The following AGBL1 variants were observed in gnomAD, a reference collection of about 807,000 sequenced individuals.
The protein encoded by AGBL1 is cytosolic carboxypeptidase 4.
AGBL1 carries 130 observed loss-of-function variants against 118.9 expected under a neutral mutation model. That is an observed-to-expected ratio of 1.09 (90% CI 0.95 to 1.26). The LOEUF (loss-of-function observed/expected upper bound fraction) is 1.26, where lower values mean the gene tolerates loss of function less well. Ranked by LOEUF, AGBL1 falls within the 50% of genes most tolerant of loss-of-function variation. AGBL1 has a pLI of 0.00. For synonymous variants in AGBL1, 555 were observed against 478.9 expected, an observed-to-expected ratio of 1.16 and a Z score of -2.08; for missense variants, 1,584 against 1,298.1, an observed-to-expected ratio of 1.22 and a Z score of -3.38.
At chr15:86,370,269 C>T (rs1050249879) in intron 17 of AGBL1, among the ~76,000 whole-genome samples, 1 of 151,422 alleles carries the variant, frequency 6.6e-6, no homozygotes, top group African/African-American at 2.4e-5. Flanking sequence ...TCTGCAGCTA[C>T]CTAGTAAGCC....
chr15:86,244,088 T>TAA (rs1278683060), intron 6 of AGBL1, among the ~76,000 whole-genome samples: 144 of 146,876 alleles, frequency 9.8e-4, no homozygotes, highest in South Asian at 4.1e-3. Context: ...AATAAATAAA[T>TAA]ATATATATAA....
At chr15:86,922,096 A>G (rs149657611) in intron 23 of AGBL1, among the ~76,000 whole-genome samples, 1 of 152,212 alleles carries the variant, frequency 6.6e-6, no homozygotes, top group Non-Finnish European at 1.5e-5. Flanking sequence ...ATGAAGATAT[A>G]TCCTTAAAGG....
rs1357633682 is a variant in AGBL1 at position 86,658,581 on chromosome 15, T to TA, written c.2995-15691dup. ...AACCCCTTTTTACAACTATGACTCT[T>TA]ACAGCCTCCTGGACCTTGGTTTTGG... is the stretch of plus-strand genomic sequence containing the variant. On this transcript the variant is annotated intron_variant, in intron 21 of 22. Coordinates refer to ENST00000614907, the MANE Select transcript of AGBL1 (RefSeq NM_001386094.1). 4.6e-5 allele frequency among the ~76,000 whole-genome samples: 7 copies of TA among 152,288 alleles called. No individual in the cohort carries two copies. The South Asian group carries it at 1.2e-3, about 27-fold the overall frequency.
At chr15:86,818,017 G>A (rs2078889672) in intron 22 of AGBL1, among the ~76,000 whole-genome samples, 1 of 152,080 alleles carries the variant, frequency 6.6e-6, no homozygotes, top group African/African-American at 2.4e-5. Context: ...GGCAAGGAAG[G>A]ATTCTATCCT....
At chr15:86,767,299 G>A (rs2078109865) in intron 22 of AGBL1, among the ~76,000 whole-genome samples, 1 of 151,922 alleles carries the variant, frequency 6.6e-6, no homozygotes, top group South Asian at 2.1e-4. Flanking sequence ...TGGCACCAGG[G>A]ACAGAGACGA....
chr15:86,491,317 T>G (rs1300549849), intron 18 of AGBL1, among the ~76,000 whole-genome samples: 3 of 152,068 alleles, frequency 2.0e-5, no homozygotes, highest in Non-Finnish European at 4.4e-5. Flanking sequence ...TTGGCAGTAT[T>G]TGGTCATAAA....
chr15:86,724,895 C>T (rs953638477), intron 22 of AGBL1, among the ~76,000 whole-genome samples: 2 of 152,114 alleles, frequency 1.3e-5, no homozygotes, highest in African/African-American at 4.8e-5. Context: ...TGCTGAGGTC[C>T]TCACCAGAAG....
intron 18 of AGBL1, among the ~76,000 whole-genome samples, chr15:86,451,142 G>A (rs534478315): frequency 5.3e-5 from 8 of 152,166 alleles, no homozygotes; most frequent in Non-Finnish European, 1.2e-4. Flanking sequence ...TTGAGATTAT[G>A]TTTTATGCCT....
intron 18 of AGBL1, among the ~76,000 whole-genome samples, chr15:86,429,545 G>A (rs2081909781): frequency 6.6e-6 from 1 of 152,176 alleles, no homozygotes; most frequent in South Asian, 2.1e-4. Flanking sequence ...AGGGCAACAG[G>A]CAAGTGTTGC....
intron 19 of AGBL1, among the ~76,000 whole-genome samples, chr15:86,531,003 AGC>A (rs2083341834): frequency 3.0e-5 from 2 of 67,792 alleles, no homozygotes; most frequent in Non-Finnish European, 5.0e-5. Context: ...CACAAGAGAA[AGC>A]AGGAAAGATC....
chr15:87,023,983 A>G (rs1052159383), intron 24 of AGBL1, among the ~76,000 whole-genome samples: 7 of 151,982 alleles, frequency 4.6e-5, no homozygotes, highest in African/African-American at 1.7e-4. Context: ...CACAAAAGGC[A>G]GTGCTAAGAG....
At chr15:86,777,360 A>G (rs980389989) in intron 22 of AGBL1, among the ~76,000 whole-genome samples, 3 of 151,990 alleles carry the variant, frequency 2.0e-5, no homozygotes, top group Non-Finnish European at 4.4e-5. Flanking sequence ...AATATTACTC[A>G]TATAAATTCA....
At chr15:86,131,948 GAAA>G (rs11331970) in intron 1 of AGBL1, among the ~76,000 whole-genome samples, 84 of 132,956 alleles carry the variant, frequency 6.3e-4, no homozygotes, top group African/African-American at 2.2e-3. Flanking sequence ...ACCATGTCTC[GAAA>G]AAAAAAAAAA....
At chr15:86,869,504 A>G (rs1367664915) in intron 22 of AGBL1, among the ~76,000 whole-genome samples, 1 of 152,178 alleles carries the variant, frequency 6.6e-6, no homozygotes, top group South Asian at 2.1e-4. Context: ...CTAGTGTTCA[A>G]CTTCCTTAGA....
chr15:86,745,495 G>A (rs994990004), intron 22 of AGBL1, among the ~76,000 whole-genome samples: 2 of 151,986 alleles, frequency 1.3e-5, no homozygotes, highest in Non-Finnish European at 2.9e-5. Context: ...GGGAACTACT[G>A]CCCAGAGAGG....
At chr15:86,785,355 G>C (rs112343959) in intron 22 of AGBL1, among the ~76,000 whole-genome samples, 2 of 149,614 alleles carry the variant, frequency 1.3e-5, no homozygotes, top group Non-Finnish European at 3.0e-5. Context: ...AGAGATCTGC[G>C]GGTTCTTTTT....
chr15:86,468,249 T>C (rs968910087), intron 18 of AGBL1, among the ~76,000 whole-genome samples: 1 of 152,148 alleles, frequency 6.6e-6, no homozygotes, highest in African/African-American at 2.4e-5. Context: ...GATACCTTTT[T>C]TCTAACTGGT....
At chr15:86,925,372 T>C (rs1217446412) in intron 23 of AGBL1, among the ~76,000 whole-genome samples, 1 of 152,100 alleles carries the variant, frequency 6.6e-6, no homozygotes, top group Non-Finnish European at 1.5e-5. Context: ...GGAACACCCT[T>C]TGAGAACTGC....
chr15:86,275,566 T>C (rs2079237979), intron 15 of AGBL1, among the ~76,000 whole-genome samples: 1 of 152,212 alleles, frequency 6.6e-6, no homozygotes, highest in Non-Finnish European at 1.5e-5. Context: ...TATTTTTAAG[T>C]ACAAATGGAA....
Sources: allele counts gnomAD v4.1 joint callset (sites outside exome capture counted in the v4.1 genomes callset), GRCh38; gene constraint gnomAD v4.1.1; transcripts MANE v1.5; gene names NCBI Gene and HGNC (gene_info 2026-07-23, HGNC 2026-07-21).